The following OSBPL10 variants were observed in gnomAD, a reference collection of about 807,000 sequenced individuals.
The protein encoded by OSBPL10 is oxysterol binding protein like 10.
In OSBPL10, 49 loss-of-function variants were observed where a neutral mutation model predicts 81.7. That is an observed-to-expected ratio of 0.60 (90% confidence interval 0.48 to 0.76). The LOEUF (loss-of-function observed/expected upper bound fraction) is 0.76, where lower values mean the gene tolerates loss of function less well. Among genes scored for constraint, OSBPL10 ranks in the 30% least tolerant of loss-of-function variants. OSBPL10 has a pLI of 0.00. For missense variants in OSBPL10, 923 were observed against 987.8 expected, an observed-to-expected ratio of 0.93 and a Z score of 0.88; for synonymous variants, 419 against 383.6, an observed-to-expected ratio of 1.09 and a Z score of -1.08.
At chr3:31,669,738 G>T (rs1700279577) in intron 9 of OSBPL10, among the ~76,000 whole-genome samples, 1 of 152,230 alleles carries the variant, frequency 6.6e-6, no homozygotes, top group Admixed American at 6.5e-5. Flanking sequence ...GAACACCACA[G>T]GAACGGGGAT....
chr3:31,845,882 C>T (rs1390491363), intron 3 of OSBPL10, among the ~76,000 whole-genome samples: 2 of 152,196 alleles, frequency 1.3e-5, no homozygotes, highest in Non-Finnish European at 1.5e-5. Flanking sequence ...CTTACCTGTG[C>T]ATTACTTATT....
chr3:31,821,416 G>C (rs542429518), intron 4 of OSBPL10, among the ~76,000 whole-genome samples: 42 of 152,210 alleles, frequency 2.8e-4, no homozygotes, highest in Middle Eastern at 3.4e-3. Flanking sequence ...CAGCCAACCT[G>C]CTTCACTATC....
intron 1 of OSBPL10, among the ~76,000 whole-genome samples, chr3:31,899,352 A>C (rs1696166130): frequency 1.3e-5 from 2 of 152,180 alleles, no homozygotes; most frequent in South Asian, 2.1e-4. Context: ...GAATATAAAC[A>C]AAAGAATAAA....
At chr3:31,965,905 A>T (rs1698383895) in intron 1 of OSBPL10, among the ~76,000 whole-genome samples, 1 of 109,862 alleles carries the variant, frequency 9.1e-6, no homozygotes, top group Non-Finnish European at 1.7e-5. Context: ...TATATATTAT[A>T]TAAAATAGAT....
intron 1 of OSBPL10, among the ~76,000 whole-genome samples, chr3:31,953,072 C>T (rs1196641165): frequency 6.6e-6 from 1 of 151,488 alleles, no homozygotes; most frequent in Admixed American, 6.6e-5. Context: ...GCTGGGATTA[C>T]AGGCGCCCAC....
At chr3:31,851,889 G>A (rs1158828875) in intron 3 of OSBPL10, among the ~76,000 whole-genome samples, 11 of 152,154 alleles carry the variant, frequency 7.2e-5, no homozygotes. Flanking sequence ...ATCCCTTTCT[G>A]GGGGAGATGC....
intron 7 of OSBPL10, among the ~76,000 whole-genome samples, chr3:31,691,211 A>G (rs977740721): frequency 1.3e-5 from 2 of 152,204 alleles, no homozygotes; most frequent in African/African-American, 4.8e-5. Context: ...CTAGGGACTC[A>G]GAGAACAATT....
At chr3:31,669,183 G>A (rs1700267343) in intron 9 of OSBPL10, among the ~76,000 whole-genome samples, 1 of 152,026 alleles carries the variant, frequency 6.6e-6, no homozygotes, top group South Asian at 2.1e-4. Context: ...ATATGGGGCA[G>A]TACCTATAGC....
chr3:31,708,758 G>T, intron 6 of OSBPL10: 1 of 985,428 alleles, frequency 1.0e-6, no homozygotes, highest in Non-Finnish European at 1.2e-6. Flanking sequence ...TCCTCTGGAA[G>T]AGTCTTTTTG....
At chr3:31,751,483 G>C (rs1043846629) in intron 4 of OSBPL10, among the ~76,000 whole-genome samples, 1 of 152,226 alleles carries the variant, frequency 6.6e-6, no homozygotes, top group Non-Finnish European at 1.5e-5. Context: ...AAGGCAGTGG[G>C]GTTTGGCAGT....
intron 1 of OSBPL10, among the ~76,000 whole-genome samples, chr3:31,971,139 C>CTTTT (rs56785817): frequency 5.9e-5 from 7 of 119,334 alleles, no homozygotes; most frequent in Admixed American, 9.1e-5. Context: ...TTTCTTTTTT[C>CTTTT]TTTTTTTTTT....
At chr3:31,901,582 C>T (rs895141956) in intron 1 of OSBPL10, among the ~76,000 whole-genome samples, 15 of 152,330 alleles carry the variant, frequency 9.8e-5, no homozygotes, top group Middle Eastern at 3.4e-3. Flanking sequence ...GTCACTCTGC[C>T]CCATAGCACA....
chr3:31,805,971 G>A (rs1304753059), intron 4 of OSBPL10, among the ~76,000 whole-genome samples: 2 of 152,208 alleles, frequency 1.3e-5, no homozygotes, highest in Non-Finnish European at 2.9e-5. Context: ...AACTTAAGAA[G>A]CAACACTGTC....
intron 2 of OSBPL10, among the ~76,000 whole-genome samples, chr3:32,014,137 A>T (rs560824101): frequency 6.6e-6 from 1 of 152,298 alleles, no homozygotes; most frequent in East Asian, 1.9e-4. Flanking sequence ...GCAGACACAC[A>T]ACAAAAAAAG....
At chr3:31,662,210 G>T in intron 11 of OSBPL10, 94 bp from the exon 12 acceptor site, 8 of 1,593,856 alleles carry the variant, frequency 5.0e-6, no homozygotes, top group Non-Finnish European at 6.8e-6. Context: ...TGTGTCTGCC[G>T]TGTCTTAATA....
chr3:31,772,952 T>C (rs1026105560), intron 4 of OSBPL10, among the ~76,000 whole-genome samples: 1 of 152,014 alleles, frequency 6.6e-6, no homozygotes, highest in Non-Finnish European at 1.5e-5. Context: ...AAGCCAGCAC[T>C]AGCCAAGAAG....
At chr3:31,674,338 G>C (rs1341357029) in intron 8 of OSBPL10, among the ~76,000 whole-genome samples, 1 of 152,088 alleles carries the variant, frequency 6.6e-6, no homozygotes, top group Non-Finnish European at 1.5e-5. Flanking sequence ...AGGATGGCTT[G>C]AGCCCAGGAG....
chr3:31,797,452 A>G (rs928778812), intron 4 of OSBPL10, among the ~76,000 whole-genome samples: 1 of 152,206 alleles, frequency 6.6e-6, no homozygotes, highest in African/African-American at 2.4e-5. Flanking sequence ...ACTGATTCCA[A>G]TGATCATCAT....
chr3:31,903,328 A>G (rs1489669996), intron 1 of OSBPL10, among the ~76,000 whole-genome samples: 2 of 108,666 alleles, frequency 1.8e-5, no homozygotes, highest in Admixed American at 2.0e-4. Flanking sequence ...TTTGCTTTTT[A>G]GGTTTTTTTT....
Sources: gnomAD v4.1 joint callset for allele counts (sites outside exome capture counted in the v4.1 genomes callset) on GRCh38, gnomAD v4.1.1 for gene constraint, MANE v1.5 for transcripts, NCBI Gene and HGNC (gene_info 2026-07-23, HGNC 2026-07-21) for gene names.